The following ITGBL1 variants were observed in gnomAD, a reference collection of about 807,000 sequenced individuals.
The protein encoded by ITGBL1 is integrin beta-like protein 1.
In ITGBL1, 51 loss-of-function variants were observed where a neutral mutation model predicts 68.5. That is an observed-to-expected ratio of 0.74 (90% CI 0.59 to 0.94). ITGBL1 has a LOEUF of 0.94. Among genes scored for constraint, ITGBL1 ranks in the 40% least tolerant of loss-of-function variants. The probability of loss-of-function intolerance (pLI) is 0.00; values close to 1 mark genes in which losing one functional copy is unlikely to be tolerated. For missense variants in ITGBL1, 649 were observed against 647.4 expected (o/e 1.00, Z -0.03); for synonymous variants, 209 against 227.3 (o/e 0.92, Z 0.72).
Position 101,670,369 on chromosome 13 carries a change from T to C in ITGBL1, c.1016-22216T>C, listed in dbSNP as rs548734397. On this transcript the variant is annotated intron_variant, in intron 7 of 10. Transcript: ENST00000376180. ...ACAATCACACTGCAGGAGGTTCGTG[T>C]TTGTGTGTTTCTTAAACCTTTTGAT... Among the ~76,000 whole-genome samples, 22 of 152,316 alleles carry C rather than the reference T, an allele frequency of 1.4e-4. No homozygotes were observed. The South Asian group carries it at 3.1e-3, about 22-fold the overall frequency.
intron 2 of ITGBL1, among the ~76,000 whole-genome samples, chr13:101,460,385 G>T (rs2048301835): frequency 1.3e-5 from 2 of 152,300 alleles, no homozygotes; most frequent in South Asian, 4.1e-4. Context: ...ACATTCAGGA[G>T]TTCCCCACTA....
chr13:101,524,503 G>A (rs548105735), intron 2 of ITGBL1, among the ~76,000 whole-genome samples: 1 of 151,808 alleles, frequency 6.6e-6, no homozygotes, highest in African/African-American at 2.4e-5. Flanking sequence ...GAAAGATATT[G>A]GTGGTCATTA....
At chr13:101,542,755 A>G (rs2049733737) in intron 2 of ITGBL1, among the ~76,000 whole-genome samples, 1 of 152,188 alleles carries the variant, frequency 6.6e-6, no homozygotes, top group Admixed American at 6.5e-5. Flanking sequence ...TTGGGTGCAT[A>G]TATATTTAGG....
At chr13:101,708,062 C>CACACAT (rs1555368065) in intron 9 of ITGBL1, among the ~76,000 whole-genome samples, 89 of 148,094 alleles carry the variant, frequency 6.0e-4, no homozygotes, top group Admixed American at 3.9e-3. Context: ...CACACACACA[C>CACACAT]ACACACATAC....
At chr13:101,508,377 C>T (rs577835749) in intron 2 of ITGBL1, among the ~76,000 whole-genome samples, 4 of 152,200 alleles carry the variant, frequency 2.6e-5, no homozygotes, top group South Asian at 2.1e-4. Flanking sequence ...TATTTGTCTA[C>T]GTTTCTGATC....
At chr13:101,536,859 G>C (rs1176393631) in intron 2 of ITGBL1, among the ~76,000 whole-genome samples, 1 of 151,954 alleles carries the variant, frequency 6.6e-6, no homozygotes, top group Non-Finnish European at 1.5e-5. Context: ...ATCTGGAGCA[G>C]ATGTCACTGG....
chr13:101,634,966 G>A (rs1024738850), intron 7 of ITGBL1, among the ~76,000 whole-genome samples: 1 of 151,680 alleles, frequency 6.6e-6, no homozygotes, highest in Non-Finnish European at 1.5e-5. Flanking sequence ...GTGTGTGTGT[G>A]TGTGTATTTC....
chr13:101,717,848 G>A (rs1434296357), downstream of ITGBL1: 2 of 152,058 alleles, frequency 1.3e-5, no homozygotes, highest in Admixed American at 6.6e-5. Flanking sequence ...AAAACCTCAG[G>A]TATGTCTTAT....
At chr13:101,602,763 T>A (rs931519863) in intron 7 of ITGBL1, among the ~76,000 whole-genome samples, 1 of 152,000 alleles carries the variant, frequency 6.6e-6, no homozygotes, top group Non-Finnish European at 1.5e-5. Context: ...AAACCACCAA[T>A]CTACTTTGTC....
intron 7 of ITGBL1, among the ~76,000 whole-genome samples, chr13:101,691,275 C>T (rs182382757): frequency 5.3e-5 from 8 of 152,312 alleles, no homozygotes; most frequent in Admixed American, 2.6e-4. Context: ...GGTCAGCCAG[C>T]ACAACACTGT....
intron 2 of ITGBL1, among the ~76,000 whole-genome samples, chr13:101,523,099 T>G (rs2049313374): frequency 6.6e-6 from 1 of 152,208 alleles, no homozygotes; most frequent in Non-Finnish European, 1.5e-5. Context: ...TTTAGCTACC[T>G]TTATTAGCAC....
chr13:101,510,745 T>G (rs1358043939), intron 2 of ITGBL1, among the ~76,000 whole-genome samples: 1 of 152,026 alleles, frequency 6.6e-6, no homozygotes. Flanking sequence ...TTGATGATGA[T>G]TAGTGATGAG....
At chr13:101,669,109 T>A (rs1027636343) in intron 7 of ITGBL1, among the ~76,000 whole-genome samples, 1 of 150,850 alleles carries the variant, frequency 6.6e-6, no homozygotes, top group Non-Finnish European at 1.5e-5. Flanking sequence ...GATACCTTTT[T>A]CGTTAAAAAA....
At position 101,517,834 on chromosome 13, in the gene ITGBL1, G is replaced by A. The variant is rs543545118; in HGVS notation, c.317-49865G>A. Among the ~76,000 whole-genome samples, 7 of 152,242 alleles carry A rather than the reference G, an allele frequency of 4.6e-5. No individual in the cohort carries two copies. In the South Asian group the frequency reaches 1.5e-3, roughly 32 times the overall value. ...CATTATTTGGGGGTAGGGCTGGAGA[G>A]GACTCTGTCCTGGGTGGCTACTTAC... On this transcript the variant is annotated intron_variant, in intron 2 of 10. Coordinates refer to ENST00000376180, the MANE Select transcript of ITGBL1 (RefSeq NM_004791.3).
chr13:101,605,192 AT>A (rs1286045728), intron 7 of ITGBL1, among the ~76,000 whole-genome samples: 65 of 70,428 alleles, frequency 9.2e-4, no homozygotes, highest in African/African-American at 3.0e-3. Flanking sequence ...AGACATAGGC[AT>A]GTGTGTATAT....
At chr13:101,709,368 T>C in intron 9 of ITGBL1, among the ~76,000 whole-genome samples, 1 of 29,496 alleles carries the variant, frequency 3.4e-5, no homozygotes, top group Non-Finnish European at 5.6e-5. Flanking sequence ...CGAGACTCCG[T>C]CTCAAAAAAA....
At chr13:101,631,713 T>A (rs113968044) in intron 7 of ITGBL1, among the ~76,000 whole-genome samples, 2,393 of 152,272 alleles carry the variant, frequency 0.016, 70 homozygotes, top group African/African-American at 0.054. Context: ...CATGAAAATT[T>A]TGCTCCATTA....
At chr13:101,658,297 G>A (rs915550778) in intron 7 of ITGBL1, among the ~76,000 whole-genome samples, 6 of 152,086 alleles carry the variant, frequency 3.9e-5, no homozygotes, top group Non-Finnish European at 5.9e-5. Flanking sequence ...AATTTTAGAT[G>A]AAATTATATT....
intron 2 of ITGBL1, among the ~76,000 whole-genome samples, chr13:101,558,029 C>T (rs888623048): frequency 8.0e-6 from 1 of 125,588 alleles, no homozygotes; most frequent in African/African-American, 3.1e-5. Context: ...GCGGAGGTTG[C>T]AGTGAGCCGA....
Sources: gnomAD v4.1 joint callset for allele counts (sites outside exome capture counted in the v4.1 genomes callset) on GRCh38, gnomAD v4.1.1 for gene constraint, MANE v1.5 for transcripts, NCBI Gene and HGNC (gene_info 2026-07-23, HGNC 2026-07-21) for gene names.